PCDH15: variants seen among roughly 807,000 people sequenced by gnomAD.
PCDH15 encodes the protein protocadherin related 15.
Under a neutral mutation model 178.5 loss-of-function variants are expected in PCDH15, and 129 were observed. The observed-to-expected ratio is 0.72, with a 90% CI of 0.63 to 0.84. The LOEUF (loss-of-function observed/expected upper bound fraction) is 0.84. Ranked by LOEUF, PCDH15 falls within the 40% of genes least tolerant of loss-of-function variation. PCDH15 has a pLI of 0.00. For missense variants in PCDH15, 2,230 were observed against 2,099.9 expected (o/e 1.06, Z -1.21); for synonymous variants, 800 against 732.0 (o/e 1.09, Z -1.50).
chr10:54,397,385 C>A (rs866495482), intron 3 of PCDH15, among the ~76,000 whole-genome samples: 4 of 152,030 alleles, frequency 2.6e-5, no homozygotes, highest in Admixed American at 6.6e-5. Flanking sequence ...ACTCAGGGAA[C>A]AACCTTCCCT....
At chr10:55,603,498 G>T (rs1843135255) in intron 2 of PCDH15, among the ~76,000 whole-genome samples, 1 of 152,082 alleles carries the variant, frequency 6.6e-6, no homozygotes, top group East Asian at 1.9e-4. Flanking sequence ...CAGAGAGAAA[G>T]GTCAGGTTAC....
At chr10:53,939,904 T>C (rs1366626053) in intron 24 of PCDH15, among the ~76,000 whole-genome samples, 3 of 152,076 alleles carry the variant, frequency 2.0e-5, no homozygotes, top group Admixed American at 1.3e-4. Flanking sequence ...TAGTCAGATG[T>C]TCGAAGTCCA....
In PCDH15 at chr10:54,396,331, T is replaced by C. The variant is rs184609751; in HGVS notation, c.158-17389A>G. The stretch of plus-strand genomic sequence containing the variant: ...TTGTTGAACAATGCGTTATATAAGC[T>C]GAAATTCAAACTCACCTCCTTGGCG... On this transcript the variant is annotated intron_variant, in intron 3 of 37. Transcript: ENST00000644397. Among the ~76,000 whole-genome samples the C allele has an allele frequency of 9.8e-5, 15 of 152,292 alleles. No homozygotes were observed. The South Asian group carries it at 2.3e-3, about 23-fold the overall frequency.
chr10:55,527,968 A>G (rs1053281318), intron 2 of PCDH15, among the ~76,000 whole-genome samples: 4 of 152,028 alleles, frequency 2.6e-5, no homozygotes, highest in Admixed American at 2.6e-4. Flanking sequence ...TTGTGGACAG[A>G]AGAGAAAGCA....
At chr10:55,315,913 G>A (rs1249527716) in intron 1 of PCDH15, among the ~76,000 whole-genome samples, 1 of 152,140 alleles carries the variant, frequency 6.6e-6, no homozygotes, top group Admixed American at 6.5e-5. Flanking sequence ...CTACTTGGGA[G>A]GCTGAAGCAG....
At chr10:54,954,001 G>A (rs562744328) in intron 2 of PCDH15, among the ~76,000 whole-genome samples, 3 of 151,040 alleles carry the variant, frequency 2.0e-5, no homozygotes, top group African/African-American at 4.8e-5. Flanking sequence ...ATAATGCTCA[G>A]TACAGACTTT....
At chr10:54,541,484 AAAC>A (rs2085218228) in intron 2 of PCDH15, among the ~76,000 whole-genome samples, 1 of 152,182 alleles carries the variant, frequency 6.6e-6, no homozygotes, top group Non-Finnish European at 1.5e-5. Context: ...AACTAAAAAT[AAAC>A]AACTCTTTTT....
At chr10:55,068,274 T>G (rs1841619262) in intron 2 of PCDH15, among the ~76,000 whole-genome samples, 1 of 152,074 alleles carries the variant, frequency 6.6e-6, no homozygotes, top group Non-Finnish European at 1.5e-5. Flanking sequence ...AGTTTATTTT[T>G]GTATATGATG....
chr10:54,419,102 A>T (rs1954863035), intron 3 of PCDH15, among the ~76,000 whole-genome samples: 1 of 151,406 alleles, frequency 6.6e-6, no homozygotes, highest in African/African-American at 2.4e-5. Context: ...AAGGGAATAT[A>T]TGGGAGAAGC....
intron 2 of PCDH15, among the ~76,000 whole-genome samples, chr10:54,955,314 C>A (rs1838456518): frequency 6.6e-6 from 1 of 151,308 alleles, no homozygotes; most frequent in African/African-American, 2.4e-5. Context: ...TTTACCTCAT[C>A]TGTAAATTGT....
At chr10:54,728,046 A>G (rs1056328866) in intron 1 of PCDH15, among the ~76,000 whole-genome samples, 11 of 151,426 alleles carry the variant, frequency 7.3e-5, no homozygotes, top group Non-Finnish European at 1.5e-5. Context: ...ACTATTCCAA[A>G]AAACTGAGGA....
intron 2 of PCDH15, among the ~76,000 whole-genome samples, chr10:55,487,966 A>T (rs1204176658): frequency 2.6e-5 from 4 of 151,582 alleles, no homozygotes; most frequent in Non-Finnish European, 5.9e-5. Flanking sequence ...TTAGAGAGAG[A>T]ATGGTTAGCC....
At chr10:55,554,658 T>C (rs1372150997) in intron 2 of PCDH15, among the ~76,000 whole-genome samples, 1 of 152,080 alleles carries the variant, frequency 6.6e-6, no homozygotes, top group Non-Finnish European at 1.5e-5. Context: ...AAAGAATGTA[T>C]GCAGGACTTC....
At chr10:54,974,502 G>A (rs146453715) in intron 2 of PCDH15, among the ~76,000 whole-genome samples, 91 of 151,500 alleles carry the variant, frequency 6.0e-4, no homozygotes, top group African/African-American at 1.9e-3. Context: ...GTATATAATA[G>A]AAATGTATAG....
chr10:55,021,017 A>C (rs757178400), intron 2 of PCDH15, among the ~76,000 whole-genome samples: 5 of 152,130 alleles, frequency 3.3e-5, no homozygotes, highest in Non-Finnish European at 5.9e-5. Context: ...TTATTTCTCA[A>C]TATCCCACCA....
At chr10:54,911,634 T>A (rs1393989736) in intron 2 of PCDH15, among the ~76,000 whole-genome samples, 1 of 152,176 alleles carries the variant, frequency 6.6e-6, no homozygotes, top group Non-Finnish European at 1.5e-5. Flanking sequence ...AATCTCATAT[T>A]GAATTGTAAT....
intron 1 of PCDH15, among the ~76,000 whole-genome samples, chr10:55,190,264 TAAAAA>T (rs34045347): frequency 6.7e-6 from 1 of 149,732 alleles, no homozygotes; most frequent in Non-Finnish European, 1.5e-5. Context: ...CTGAAGTTAT[TAAAAA>T]AAAAACTTCT....
intron 1 of PCDH15, among the ~76,000 whole-genome samples, chr10:55,314,242 T>A (rs1469555364): frequency 6.7e-6 from 1 of 149,416 alleles, no homozygotes. Context: ...ATCTCAGTGT[T>A]CGTCATTACC....
chr10:55,471,763 C>T (rs574170738), intron 2 of PCDH15, among the ~76,000 whole-genome samples: 15 of 152,318 alleles, frequency 9.8e-5, no homozygotes, highest in African/African-American at 3.6e-4. Context: ...TCTTTGCCCA[C>T]GCCCACCTTG....
Sources: allele counts gnomAD v4.1 joint callset (sites outside exome capture counted in the v4.1 genomes callset), GRCh38; gene constraint gnomAD v4.1.1; transcripts MANE v1.5; gene names NCBI Gene and HGNC (gene_info 2026-07-23, HGNC 2026-07-21).